The following RXRA variants were observed in gnomAD, a reference collection of about 807,000 sequenced individuals.
RXRA encodes retinoid X receptor alpha.
A neutral mutation model predicts 44.5 loss-of-function variants in RXRA; 5 were observed. That is an observed-to-expected ratio of 0.11 (90% CI 0.06 to 0.24). The LOEUF (loss-of-function observed/expected upper bound fraction) is 0.24. RXRA is among the 10% of genes least tolerant of loss of function. The pLI is 1.00. For synonymous variants in RXRA, 291 were observed against 271.4 expected, an observed-to-expected ratio of 1.07 and a Z score of -0.71; for missense variants, 412 against 646.5, an observed-to-expected ratio of 0.64 and a Z score of 3.93.
At chr9:134,416,226 C>T (rs898763288) in intron 4 of RXRA, among the ~76,000 whole-genome samples, 9 of 152,090 alleles carry the variant, frequency 5.9e-5, no homozygotes, top group Non-Finnish European at 1.0e-4. Context: ...AGTGGACAGT[C>T]GAGGAAGGCA....
intron 1 of RXRA, among the ~76,000 whole-genome samples, chr9:134,381,434 G>C (rs1313207901): frequency 6.6e-6 from 1 of 152,142 alleles, no homozygotes; most frequent in African/African-American, 2.4e-5. Context: ...CTAACTGTCT[G>C]AGCGGGAGAG....
chr9:134,436,812 C>A lies in RXRA; in HGVS notation c.*198C>A. 1 of 632,320 alleles carries A rather than the reference C, an allele frequency of 1.6e-6. No individual in the cohort carries two copies. Among genetic ancestry groups the A allele is most frequent in the Non-Finnish European group, 2.7e-6 (1 of 376,594 alleles). The allele number at this position is 632,320 out of a possible 1,614,324, so 39.2% of individuals were successfully genotyped here. On this transcript the variant is annotated 3_prime_UTR_variant, in exon 10 of 10. Transcript: ENST00000481739. ...GTTACTACTTGTCTGTGGCCCAGGGCAGTGGCTTTCCTGAGGCAGCAGCCT... is the reference window on the plus strand; with the variant it reads ...GTTACTACTTGTCTGTGGCCCAGGGAAGTGGCTTTCCTGAGGCAGCAGCCT...
intron 1 of RXRA, among the ~76,000 whole-genome samples, chr9:134,376,350 C>T (rs1270471941): frequency 1.3e-5 from 2 of 152,192 alleles, no homozygotes; most frequent in Non-Finnish European, 2.9e-5. Context: ...CTGATCTGTG[C>T]GTGTGCCTGT....
Position 134,426,128 on chromosome 9 carries a change from A to C in RXRA, c.911-2980A>C. On this transcript the variant is annotated intron_variant, in intron 6 of 9. Transcript: ENST00000481739. This position sits in a 1 kb window ranked among gnomAD's most constrained non-coding sequence, Gnocchi z 4.6. Reference sequence around the variant, plus strand: ...GCCTCTTGAGTTGGAGGACATAGTGACCAAGGGAGCAGCCCCAGGCAAGAC... The same window carrying C: ...GCCTCTTGAGTTGGAGGACATAGTGCCCAAGGGAGCAGCCCCAGGCAAGAC... 1.0e-6 allele frequency: 1 copy of C among 985,412 alleles called. No individual in the cohort carries two copies. Among genetic ancestry groups the C allele is most frequent in the Non-Finnish European group, 1.2e-6 (1 of 829,914 alleles). 61.0% of individuals were successfully genotyped at this position (985,412 alleles called of 1,614,324 possible).
intron 7 of RXRA, among the ~76,000 whole-genome samples, chr9:134,430,597 C>T (rs907869992): frequency 3.9e-5 from 6 of 151,936 alleles, no homozygotes; most frequent in South Asian, 2.1e-4. Context: ...GGGTCTTTGC[C>T]GCAGGACTTG....
At chr9:134,334,088 G>A (rs564716299) in intron 1 of RXRA, among the ~76,000 whole-genome samples, 3 of 152,386 alleles carry the variant, frequency 2.0e-5, no homozygotes, top group South Asian at 2.1e-4. Flanking sequence ...GTTTCCTCCC[G>A]CCTGAGGGCC....
At chr9:134,348,558 C>T (rs559797446) in intron 1 of RXRA, among the ~76,000 whole-genome samples, 4 of 152,302 alleles carry the variant, frequency 2.6e-5, no homozygotes, top group Admixed American at 6.5e-5. Flanking sequence ...TCCCGGGGGA[C>T]GCAGGTGGCC....
At chr9:134,415,413 CCACAGG>C (rs1831217295) in intron 4 of RXRA, among the ~76,000 whole-genome samples, 1 of 147,374 alleles carries the variant, frequency 6.8e-6, no homozygotes. Context: ...AGGGAGGGTG[CCACAGG>C]CACAGATATG....
intron 1 of RXRA, among the ~76,000 whole-genome samples, chr9:134,381,552 G>A (rs1242152883): frequency 2.0e-5 from 3 of 152,116 alleles, no homozygotes; most frequent in Non-Finnish European, 4.4e-5. Context: ...GAGATGGTGG[G>A]GGCTGGGTGG....
chr9:134,421,954 G>A (rs1588303089), intron 6 of RXRA, 149 bp downstream of exon 6: 1 of 1,505,548 alleles, frequency 6.6e-7, no homozygotes, highest in Non-Finnish European at 8.8e-7. Flanking sequence ...CTACCTCCCG[G>A]GACACTCCCC....
chr9:134,425,946 G>T, intron 6 of RXRA: 1 of 985,412 alleles, frequency 1.0e-6, no homozygotes, highest in Non-Finnish European at 1.2e-6. Flanking sequence ...GCTGAGCCAG[G>T]TTGGAGCCCG....
At chr9:134,362,190 A>G (rs1830360524) in intron 1 of RXRA, among the ~76,000 whole-genome samples, 1 of 152,154 alleles carries the variant, frequency 6.6e-6, no homozygotes, top group Non-Finnish European at 1.5e-5. Flanking sequence ...TCCAGGGCCC[A>G]GTGCGTGGCC....
chr9:134,354,732 G>T (rs1426268998), intron 1 of RXRA, among the ~76,000 whole-genome samples: 1 of 152,228 alleles, frequency 6.6e-6, no homozygotes, highest in Admixed American at 6.5e-5. Context: ...ATGTTCAGAG[G>T]CCGTGTTGTT....
chr9:134,426,846 C>T lies in RXRA; in HGVS notation c.911-2262C>T. On this transcript the variant is annotated intron_variant, in intron 6 of 9. Transcript: ENST00000481739. The surrounding 1 kb of genome is among the most constrained non-coding windows in gnomAD (Gnocchi z 4.6). ...CCAGCCCAGATCTTGTCCTCGGCCC[C>T]CTGGGTCCCTGCCCTTGGCCACAGG... 1.0e-6 allele frequency: 1 copy of T among 985,406 alleles called. No homozygotes were observed. Among genetic ancestry groups the T allele is most frequent in the African/African-American group, 1.7e-5 (1 of 57,348 alleles). The allele number at this position is 985,406 out of a possible 1,614,324, so 61.0% of individuals were successfully genotyped here. A position where few individuals can be genotyped will look rare whatever the true frequency, so the allele number is the denominator to read the frequency against.
chr9:134,422,176 C>G (rs1157373380), intron 6 of RXRA: 6 of 1,293,590 alleles, frequency 4.6e-6, no homozygotes, highest in Non-Finnish European at 6.0e-6. Context: ...ACTTCCCCCT[C>G]CTGGGACACA....
intron 1 of RXRA, among the ~76,000 whole-genome samples, chr9:134,393,025 T>TA (rs35870322): frequency 0.65 from 96,192 of 147,372 alleles, 32,096 homozygotes; most frequent in East Asian, 0.79. Flanking sequence ...GGCTTCTTCT[T>TA]AAAAAAAAAA....
At chr9:134,331,917 A>C (rs1044176245) in intron 1 of RXRA, among the ~76,000 whole-genome samples, 1 of 152,164 alleles carries the variant, frequency 6.6e-6, no homozygotes, top group Non-Finnish European at 1.5e-5. Context: ...GGCTGGGTCT[A>C]TGCCCCATGC....
At chr9:134,389,367 C>G (rs1440703227) in intron 1 of RXRA, among the ~76,000 whole-genome samples, 1 of 152,102 alleles carries the variant, frequency 6.6e-6, no homozygotes, top group Non-Finnish European at 1.5e-5. Flanking sequence ...GGGTGCTGGA[C>G]AGGGACAGCA....
chr9:134,380,308 C>T (rs1288402159), intron 1 of RXRA: 1 of 582,212 alleles, frequency 1.7e-6, no homozygotes, highest in Non-Finnish European at 2.2e-6. Flanking sequence ...GTGGCTTGGC[C>T]TGGGGGCAGG....
Sources: allele counts gnomAD v4.1 joint callset (sites outside exome capture counted in the v4.1 genomes callset), GRCh38; gene constraint gnomAD v4.1.1; non-coding constraint Gnocchi (gnomAD v3.1); transcripts MANE v1.5; gene names NCBI Gene and HGNC (gene_info 2026-07-23, HGNC 2026-07-21).